The following PHIP variants were observed in gnomAD, a reference collection of about 807,000 sequenced individuals.
PHIP encodes the protein PH-interacting protein.
Under a neutral mutation model 236.8 loss-of-function variants are expected in PHIP, and 54 were observed. The observed-to-expected ratio is 0.23, with a 90% CI of 0.18 to 0.29. The LOEUF (loss-of-function observed/expected upper bound fraction) is 0.29, where lower values mean the gene tolerates loss of function less well. Among genes scored for constraint, PHIP ranks in the 10% least tolerant of loss-of-function variants. PHIP has a pLI of 1.00. For missense variants in PHIP, 1,370 were observed against 2,190.8 expected (o/e 0.63, Z 7.48); for synonymous variants, 756 against 718.9 (o/e 1.05, Z -0.83).
At chr6:78,949,224 T>C (rs1355325981) in intron 35 of PHIP, among the ~76,000 whole-genome samples, 1 of 152,206 alleles carries the variant, frequency 6.6e-6, no homozygotes, top group Non-Finnish European at 1.5e-5. Flanking sequence ...CTTCAGATTC[T>C]GCATTTGTCT....
chr6:79,042,353 G>A (rs1772264873), intron 7 of PHIP, among the ~76,000 whole-genome samples: 1 of 151,928 alleles, frequency 6.6e-6, no homozygotes, highest in Non-Finnish European at 1.5e-5. Flanking sequence ...GGTAATAAGA[G>A]TATTAGATAT....
chr6:79,077,028 C>T (rs1045573371), intron 4 of PHIP, among the ~76,000 whole-genome samples: 1 of 152,156 alleles, frequency 6.6e-6, no homozygotes, highest in Non-Finnish European at 1.5e-5. Context: ...TTGTGTAGGG[C>T]AGGAGAAAGC....
At chr6:79,024,514 T>C (rs371723916) in intron 9 of PHIP, among the ~76,000 whole-genome samples, 45 of 152,156 alleles carry the variant, frequency 3.0e-4, no homozygotes, top group East Asian at 2.3e-3. Flanking sequence ...TTAAAAGATA[T>C]GGTATAGAGG....
rs1345674838 is a variant in PHIP at position 78,957,519 on chromosome 6, T to C, written c.3782+956A>G. ...ACCTGCATTCCTCAGTTAAAACACA[T>C]TAATCAAAAAGGAGCTCAAAGATTA... is the stretch of plus-strand genomic sequence containing the variant. On this transcript the variant is annotated intron_variant, in intron 32 of 39. Coordinates refer to ENST00000275034, the MANE Select transcript of PHIP (RefSeq NM_017934.7). The C allele has an allele frequency of 2.6e-5, 4 of 151,028 alleles. No homozygotes were observed. In the East Asian group the frequency reaches 5.8e-4, roughly 22 times the overall value. 9.4% of individuals were successfully genotyped at this position (151,028 alleles called of 1,614,324 possible). A position where few individuals can be genotyped will look rare whatever the true frequency, so the allele number is the denominator to read the frequency against.
intron 6 of PHIP, among the ~76,000 whole-genome samples, chr6:79,056,847 G>A (rs1401567530): frequency 6.6e-6 from 1 of 152,122 alleles, no homozygotes; most frequent in Non-Finnish European, 1.5e-5. Flanking sequence ...CCAGACCCTA[G>A]CCCAGTGCCA....
At chr6:78,968,471 G>A (rs1291090523) in intron 27 of PHIP, among the ~76,000 whole-genome samples, 3 of 152,202 alleles carry the variant, frequency 2.0e-5, no homozygotes, top group African/African-American at 7.2e-5. Context: ...GAATATGGAA[G>A]GGCCAACTTT....
intron 17 of PHIP, among the ~76,000 whole-genome samples, chr6:79,000,630 T>C (rs1000553236): frequency 6.6e-6 from 1 of 152,096 alleles, no homozygotes. Context: ...TTGGGAACAA[T>C]CTGATTTTGC....
At chr6:79,063,606 G>A (rs1040342547) in intron 4 of PHIP, among the ~76,000 whole-genome samples, 2 of 152,016 alleles carry the variant, frequency 1.3e-5, no homozygotes, top group African/African-American at 4.8e-5. Flanking sequence ...TAGTAGAGAC[G>A]GGGTTTTGCC....
At chr6:78,941,611 G>A (rs117703162) in intron 39 of PHIP, among the ~76,000 whole-genome samples, 2 of 152,198 alleles carry the variant, frequency 1.3e-5, no homozygotes, top group East Asian at 3.9e-4. Flanking sequence ...ATAAAGCTGG[G>A]ATGACTAAAG....
intron 19 of PHIP, among the ~76,000 whole-genome samples, chr6:78,991,936 T>G (rs1273466502): frequency 6.6e-6 from 1 of 151,778 alleles, no homozygotes; most frequent in Non-Finnish European, 1.5e-5. Flanking sequence ...ATTATTTGTA[T>G]CCTTTATCCA....
rs567209342 is a variant in PHIP, at chr6:78,971,575, G to A, written c.2890-687C>T. Among the ~76,000 whole-genome samples, 8 of 152,258 alleles carry A rather than the reference G, an allele frequency of 5.3e-5. 1 individual carries two copies. The South Asian group carries it at 1.5e-3, about 28-fold the overall frequency. On this transcript the variant is annotated intron_variant, in intron 24 of 39. Coordinates refer to ENST00000275034, the MANE Select transcript of PHIP (RefSeq NM_017934.7). ...CCGGTCTACAGCTCCCAGCCTGAAC[G>A]ATGCAGAAGACGGGTGATTTCTGCA...
chr6:78,946,036 G>C lies in PHIP; in HGVS notation c.4595C>G (p.Thr1532Arg). The change falls in exon 38 of 40, where the codon ACA (threonine) becomes AGA (arginine). Residue 1532 changes from threonine to arginine, a missense_variant. By Grantham distance (71) the Thr-to-Arg change is moderately conservative. This residue lies in a region of PHIP where 309 missense variants were observed against 328.3 expected (regional missense o/e 0.94). Coordinates refer to ENST00000275034, the MANE Select transcript of PHIP (RefSeq NM_017934.7). ...STSSAAKTFITKANASAIPGK... is the reference protein window; with the variant it reads ...STSSAAKTFIRKANASAIPGK... ...TGGTATTGCAGATGCATTAGCTTTT[G>C]TAATAAAAGTCTTTGCAGCTGAAGA... The C allele has an allele frequency of 6.2e-7, 1 of 1,610,676 alleles. No homozygotes were observed. Among genetic ancestry groups the C allele is most frequent in the Non-Finnish European group, 8.5e-7 (1 of 1,176,926 alleles).
chr6:79,014,969 A>C, intron 15 of PHIP, 113 bp downstream of exon 15: 2 of 732,414 alleles, frequency 2.7e-6, no homozygotes, highest in Admixed American at 5.4e-5. Flanking sequence ...GGGAATTTAA[A>C]GTCAAAATAA....
chr6:78,945,733 C>A (rs1773778202), intron 38 of PHIP: 4 of 599,588 alleles, frequency 6.7e-6, no homozygotes, highest in Non-Finnish European at 1.2e-5. Flanking sequence ...CAAGTCTTGG[C>A]AAATTGCTAG....
rs143220918 is a variant in PHIP at position 79,059,781 on chromosome 6, T to C, written c.439+697A>G. Among the ~76,000 whole-genome samples the C allele has an allele frequency of 2.0e-5, 3 of 151,742 alleles. No individual in the cohort carries two copies. The East Asian group carries it at 5.8e-4, about 29-fold the overall frequency. ...TGGAAAAGAAGCTATGATTGAACTT[T>C]GAAGGTCTCTGAAAATTAGGAGTAC... On this transcript the variant is annotated intron_variant, in intron 6 of 39. Transcript: ENST00000275034.
chr6:78,997,514 T>G lies in PHIP; in HGVS notation c.2101A>C (p.Met701Leu). The G allele has an allele frequency of 6.2e-7, 1 of 1,614,094 alleles. No homozygotes were observed. The highest frequency in any genetic ancestry group is 8.5e-7 in the Non-Finnish European group (1 of 1,179,954). Residue 701 changes from methionine to leucine, a missense_variant, in exon 19 of 40, where the codon ATG (methionine) becomes CTG (leucine). Coordinates refer to ENST00000275034, the MANE Select transcript of PHIP (RefSeq NM_017934.7). ...TCACTTCTTGGTGCGTTGCTGTGCA[T>G]TTGCCGTACACCTTCAATTTGTCCA... ...RSGQIEGVRQMHSNAPRSEIA... is the reference protein window; with the variant it reads ...RSGQIEGVRQLHSNAPRSEIA...
chr6:79,010,690 GAAAT>G (rs1770530810), intron 15 of PHIP, among the ~76,000 whole-genome samples: 1 of 151,566 alleles, frequency 6.6e-6, no homozygotes, highest in African/African-American at 2.4e-5. Flanking sequence ...AAGAGTAAGA[GAAAT>G]AAAGCAAAAC....
intron 7 of PHIP, among the ~76,000 whole-genome samples, chr6:79,032,838 T>C (rs1771740068): frequency 6.6e-6 from 1 of 151,822 alleles, no homozygotes; most frequent in Non-Finnish European, 1.5e-5. Context: ...CGATGTACTT[T>C]GCCCAGATCC....
At chr6:79,013,110 G>A (rs1562178535) in intron 15 of PHIP, among the ~76,000 whole-genome samples, 1 of 151,396 alleles carries the variant, frequency 6.6e-6, no homozygotes, top group Non-Finnish European at 1.5e-5. Context: ...AGTAAATTGG[G>A]GCAAAGCACT....
Sources: allele counts gnomAD v4.1 joint callset (sites outside exome capture counted in the v4.1 genomes callset), GRCh38; gene constraint gnomAD v4.1.1; regional missense constraint gnomAD v4.1.1; transcripts MANE v1.5; gene names NCBI Gene and HGNC (gene_info 2026-07-23, HGNC 2026-07-21).